The following ZNF180 variants were observed in gnomAD, a reference collection of about 807,000 sequenced individuals.
ZNF180 encodes the protein zinc finger protein 180.
In ZNF180, 11 loss-of-function variants were observed where a neutral mutation model predicts 11.8. That is an observed-to-expected ratio of 0.93 (90% CI 0.59 to 1.55). The LOEUF is 1.55. Among genes scored for constraint, ZNF180 ranks in the 40% most tolerant of loss-of-function variants. ZNF180 has a pLI of 0.00. For synonymous variants in ZNF180, 287 were observed against 257.7 expected, an observed-to-expected ratio of 1.11 and a Z score of -1.09; for missense variants, 773 against 781.7, an observed-to-expected ratio of 0.99 and a Z score of 0.13.
At chr19:44,500,153 T>C (rs1970708843) in intron 1 of ZNF180, 122 bp downstream of exon 1, 1 of 1,613,976 alleles carries the variant, frequency 6.2e-7, no homozygotes, top group African/African-American at 1.3e-5. Flanking sequence ...GACCCGAGGC[T>C]AAAGCGCCAC....
rs542919212 is a variant in ZNF180, at chr19:44,481,168, CA to C, written c.127-1760del. On this transcript the variant is annotated intron_variant, in intron 3 of 4. Coordinates refer to ENST00000592529, the MANE Select transcript of ZNF180 (RefSeq NM_001278509.3). The stretch of plus-strand genomic sequence containing the variant: ...GTGATCTGTCCTTACCCAGGCACAG[CA>C]AAGGCAAGGGGAAGTCGAATGCCTC... 2.0e-5 allele frequency among the ~76,000 whole-genome samples: 3 copies of C among 152,262 alleles called. No homozygotes were observed. The South Asian group carries it at 6.2e-4, about 32-fold the overall frequency.
chr19:44,479,739 A>G (rs1970029675), intron 3 of ZNF180, among the ~76,000 whole-genome samples: 1 of 152,220 alleles, frequency 6.6e-6, no homozygotes, highest in Admixed American at 6.5e-5. Flanking sequence ...AATTCCCTCT[A>G]AATTCCCAAG....
At position 44,477,330 on chromosome 19, in the gene ZNF180, C is replaced by G. The variant is rs753677923; in HGVS notation, c.1070G>C (p.Ser357Thr). 5.6e-6 allele frequency: 9 copies of G among 1,611,908 alleles called. No individual in the cohort carries two copies. In the Admixed American group the frequency reaches 1.0e-4, roughly 18 times the overall value. Residue 357 changes from serine to threonine, a missense_variant, in exon 5 of 5, where the codon AGT (serine) becomes ACT (threonine). By Grantham distance (58) the Ser-to-Thr change is moderately conservative. Coordinates refer to ENST00000592529, the MANE Select transcript of ZNF180 (RefSeq NM_001278509.3). ...CCGGCTGAAGGATTTTCCACATTCACTACATTCATAAGGTTTCTCCCCTGT... is the reference window on the plus strand; with the variant it reads ...CCGGCTGAAGGATTTTCCACATTCAGTACATTCATAAGGTTTCTCCCCTGT... Reference protein sequence around the residue: ...THTGEKPYECSECGKSFSRSS... With the variant: ...THTGEKPYECTECGKSFSRSS...
At chr19:44,493,583 C>T (rs553823600) in intron 2 of ZNF180, among the ~76,000 whole-genome samples, 4 of 152,256 alleles carry the variant, frequency 2.6e-5, no homozygotes, top group Admixed American at 1.3e-4. Context: ...TCCCAAAGAC[C>T]CTTACTACCT....
At position 44,496,969 on chromosome 19, in the gene ZNF180, C is replaced by T. The variant is rs1022562954; in HGVS notation, c.51+315G>A. ...GTCTTATCGTAATTCATTCAGCTAT[C>T]CTCTTACATTGCACATTTAGTATAT... On this transcript the variant is annotated intron_variant, in intron 2 of 4. Coordinates refer to ENST00000592529, the MANE Select transcript of ZNF180 (RefSeq NM_001278509.3). 6.6e-5 allele frequency among the ~76,000 whole-genome samples: 10 copies of T among 152,256 alleles called. No individual in the cohort carries two copies. The South Asian group carries it at 1.0e-3, about 16-fold the overall frequency.
rs749878373 is a variant in ZNF180, at chr19:44,477,426, G to T, written c.974C>A (p.Pro325His). ...TTTCCCACACTGATTACATTCAAAAGGTTTCTCTTCAGAATTATTTCTCAT... is the reference window on the plus strand; with the variant it reads ...TTTCCCACACTGATTACATTCAAAATGTTTCTCTTCAGAATTATTTCTCAT... ...QNMRNNSEEK[P>H]FECNQCGKSF... The change falls in exon 5 of 5, where the codon CCT becomes CAT. Residue 325 changes from proline (P) to histidine (H), a missense_variant. By Grantham distance (77) the Pro-to-His change is moderately conservative. Transcript: ENST00000592529. 1.9e-6 allele frequency: 3 copies of T among 1,614,034 alleles called. No homozygotes were observed. The East Asian group carries it at 6.7e-5, about 36-fold the overall frequency.
At chr19:44,488,163 ACGG>A (rs1970289807) in intron 2 of ZNF180, among the ~76,000 whole-genome samples, 1 of 70,560 alleles carries the variant, frequency 1.4e-5, no homozygotes, top group Non-Finnish European at 2.7e-5. Flanking sequence ...CTCTCTTTCC[ACGG>A]TCTCCCTCTC....
chr19:44,483,602 C>T (rs1970138994), intron 3 of ZNF180, among the ~76,000 whole-genome samples: 1 of 152,234 alleles, frequency 6.6e-6, no homozygotes, highest in Non-Finnish European at 1.5e-5. Context: ...TGTCATACAT[C>T]TCTCCATTCC....
Position 44,479,295 on chromosome 19 carries a change from G to C in ZNF180, c.241C>G (p.Leu81Val). The C allele has an allele frequency of 6.2e-7, 1 of 1,613,712 alleles. No individual in the cohort carries two copies. Among genetic ancestry groups the C allele is most frequent in the Non-Finnish European group, 8.5e-7 (1 of 1,179,830 alleles). The change falls in exon 4 of 5, where the codon CTA becomes GTA. Residue 81 changes from leucine to valine, a missense_variant. Coordinates refer to ENST00000592529, the MANE Select transcript of ZNF180 (RefSeq NM_001278509.3). ...RDVILENHRD[L>V]VSWDLATAVG... Reference sequence around the variant, plus strand: ...AGTGTATTCTTACCCCAAGAGACTAGGTCCCTGTGGTTCTCCAGGATCACA... The same window carrying C: ...AGTGTATTCTTACCCCAAGAGACTACGTCCCTGTGGTTCTCCAGGATCACA...
chr19:44,479,513 G>GA (rs1373200806), intron 3 of ZNF180, 104 bp from the exon 4 acceptor site: 5 of 1,513,160 alleles, frequency 3.3e-6, no homozygotes, highest in Non-Finnish European at 4.5e-6. Context: ...TGGTGACCTG[G>GA]GAGTTGTCCT....
chr19:44,487,872 G>A (rs192159522), intron 2 of ZNF180, among the ~76,000 whole-genome samples: 209 of 152,156 alleles, frequency 1.4e-3, no homozygotes, highest in African/African-American at 4.2e-3. Flanking sequence ...GACTACAGGC[G>A]CACATCACCA....
rs1208075981 is a variant in ZNF180, at chr19:44,479,270, A to T, written c.253+13T>A. The T allele has an allele frequency of 6.2e-7, 1 of 1,609,988 alleles. No homozygotes were observed. On this transcript the variant is annotated intron_variant, in intron 4 of 4. Transcript: ENST00000592529. Reference sequence around the variant, plus strand: ...AGTAGATGGATCTTCATTAAAGAGGAGTGTATTCTTACCCCAAGAGACTAG... The same window carrying T: ...AGTAGATGGATCTTCATTAAAGAGGTGTGTATTCTTACCCCAAGAGACTAG...
rs1253270481 is a variant in ZNF180, at chr19:44,474,695, T to C, written c.*1707A>G. On this transcript the variant is annotated 3_prime_UTR_variant, in exon 5 of 5. Coordinates refer to ENST00000592529, the MANE Select transcript of ZNF180 (RefSeq NM_001278509.3). ...GTTCAACTGTCTTAGGAAAAGACCATTGCAGGGGCACAGTCTTTCAACCCC... is the reference window on the plus strand; with the variant it reads ...GTTCAACTGTCTTAGGAAAAGACCACTGCAGGGGCACAGTCTTTCAACCCC... The C allele has an allele frequency of 3.9e-5, 6 of 152,222 alleles. No homozygotes were observed. Among genetic ancestry groups the C allele is most frequent in the Non-Finnish European group, 1.5e-5 (1 of 68,038 alleles). 9.4% of individuals were successfully genotyped at this position (152,222 alleles called of 1,614,324 possible).
chr19:44,489,918 AAGAAAG>A (rs1224439860), intron 2 of ZNF180, among the ~76,000 whole-genome samples: 2 of 149,800 alleles, frequency 1.3e-5, no homozygotes, highest in African/African-American at 2.4e-5. Flanking sequence ...AAGAAAAAGA[AAGAAAG>A]AGAGAGAGAA....
chr19:44,495,070 A>G lies in ZNF180; in HGVS notation c.51+2214T>C, dbSNP rs1970543683. ...CCATGAGCCCACAATAAAACCTCCA[A>G]TTCCCACTGCACACCAGAGTCCACT... On this transcript the variant is annotated intron_variant, in intron 2 of 4. Coordinates refer to ENST00000592529, the MANE Select transcript of ZNF180 (RefSeq NM_001278509.3). This position sits in a 1 kb window ranked among gnomAD's most constrained non-coding sequence, Gnocchi z 4.5. Among the ~76,000 whole-genome samples, 2 of 152,148 alleles carry G rather than the reference A, an allele frequency of 1.3e-5. No homozygotes were observed. The highest frequency in any genetic ancestry group is 2.1e-4 in the South Asian group (1 of 4,828).
At position 44,493,749 on chromosome 19, in the gene ZNF180, C is replaced by CTCTCTCTTGT. The variant is rs1970507431; in HGVS notation, c.51+3534_51+3535insACAAGAGAGA. Among the ~76,000 whole-genome samples, 3 of 146,820 alleles carry CTCTCTCTTGT rather than the reference C, an allele frequency of 2.0e-5. No homozygotes were observed. In the South Asian group the frequency reaches 6.4e-4, roughly 31 times the overall value. ...GATTGTGTGCAACTAAGTGCTCTTGCTCTCTCTCTCTCTCTCACTGGGATC... is the reference window on the plus strand; with the variant it reads ...GATTGTGTGCAACTAAGTGCTCTTGCTCTCTCTTGTTCTCTCTCTCTCTCTCACTGGGATC... On this transcript the variant is annotated intron_variant, in intron 2 of 4. Coordinates refer to ENST00000592529, the MANE Select transcript of ZNF180 (RefSeq NM_001278509.3).
chr19:44,489,754 GA>G (rs999660064), intron 2 of ZNF180, among the ~76,000 whole-genome samples: 7 of 102,366 alleles, frequency 6.8e-5, no homozygotes, highest in African/African-American at 2.2e-4. Context: ...AAGAAAAAAA[GA>G]AAAAAAAAAG....
intron 2 of ZNF180, among the ~76,000 whole-genome samples, chr19:44,486,119 G>C (rs1356349825): frequency 2.6e-5 from 4 of 152,178 alleles, no homozygotes; most frequent in Non-Finnish European, 5.9e-5. Context: ...TAGCAGCCAA[G>C]AGAAGAAATA....
At chr19:44,484,614 G>A in intron 2 of ZNF180, 179 bp from the exon 3 acceptor site, 3 of 609,670 alleles carry the variant, frequency 4.9e-6, no homozygotes, top group Non-Finnish European at 9.0e-6. Flanking sequence ...GAGAGAGAGA[G>A]GAGATACATG....
Sources: allele counts gnomAD v4.1 joint callset (sites outside exome capture counted in the v4.1 genomes callset), GRCh38; gene constraint gnomAD v4.1.1; non-coding constraint Gnocchi (gnomAD v3.1); transcripts MANE v1.5; gene names NCBI Gene and HGNC (gene_info 2026-07-23, HGNC 2026-07-21).